NRXN3: variants seen among roughly 807,000 people sequenced by gnomAD.
NRXN3 encodes the protein neurexin III.
Under a neutral mutation model 137.6 loss-of-function variants are expected in NRXN3, and 32 were observed. The ratio of observed to expected loss-of-function variants is 0.23; its 90% CI spans 0.18 to 0.31. The LOEUF is 0.31. Ranked by LOEUF, NRXN3 falls within the 10% of genes least tolerant of loss-of-function variation. NRXN3 has a pLI of 1.00. For missense variants in NRXN3, 1,574 were observed against 2,062.5 expected (o/e 0.76, Z 4.59); for synonymous variants, 798 against 784.5 (o/e 1.02, Z -0.29).
At chr14:78,443,236 G>A (rs1490250861) in intron 4 of NRXN3, among the ~76,000 whole-genome samples, 1 of 152,210 alleles carries the variant, frequency 6.6e-6, no homozygotes, top group Non-Finnish European at 1.5e-5. Flanking sequence ...TGGTAGTAGT[G>A]GAGAGGCTGA....
rs139347721 is a variant in NRXN3, at chr14:79,033,470, G to T, written c.3262+45329G>T. ...GGCTTATGTGTTTATGAGTAGGCAG[G>T]TGTCTTCATGGAACTCTGGTATCTT... On this transcript the variant is annotated intron_variant, in intron 15 of 20. Transcript: ENST00000335750. Among the ~76,000 whole-genome samples the T allele has an allele frequency of 1.0e-3, 152 of 152,182 alleles. 1 individual carries two copies. The highest frequency in any genetic ancestry group is 1.7e-3 in the Non-Finnish European group (116 of 67,996).
At chr14:78,172,561 A>AT (rs1162590575) in intron 1 of NRXN3, among the ~76,000 whole-genome samples, 2 of 151,078 alleles carry the variant, frequency 1.3e-5, no homozygotes, top group Non-Finnish European at 2.9e-5. Context: ...CTATTGTTTG[A>AT]TTTTTTGTTG....
At chr14:79,549,839 C>G (rs1286272182) in intron 16 of NRXN3, among the ~76,000 whole-genome samples, 1 of 152,112 alleles carries the variant, frequency 6.6e-6, no homozygotes, top group Non-Finnish European at 1.5e-5. Context: ...CCGAGGGGCT[C>G]TGCGGTTGAT....
At chr14:79,307,960 T>C (rs532952200) in intron 15 of NRXN3, among the ~76,000 whole-genome samples, 58 of 152,168 alleles carry the variant, frequency 3.8e-4, no homozygotes, top group African/African-American at 1.3e-3. Context: ...TCATGGAGCA[T>C]TGTTTTCTCT....
chr14:78,991,970 A>G (rs1346911127), intron 15 of NRXN3, among the ~76,000 whole-genome samples: 1 of 152,072 alleles, frequency 6.6e-6, no homozygotes, highest in Non-Finnish European at 1.5e-5. Flanking sequence ...TTTCAGTTTC[A>G]CTCTTATAAA....
intron 15 of NRXN3, among the ~76,000 whole-genome samples, chr14:79,256,172 GTCTCTC>G (rs111298626): frequency 2.0e-3 from 290 of 145,396 alleles, no homozygotes; most frequent in African/African-American, 6.6e-3. Context: ...CTCTCTCTCT[GTCTCTC>G]TCTCTCTCTC....
intron 15 of NRXN3, among the ~76,000 whole-genome samples, chr14:79,171,320 G>T (rs2061757202): frequency 6.6e-6 from 1 of 152,090 alleles, no homozygotes; most frequent in African/African-American, 2.4e-5. Flanking sequence ...TCTTAATTTG[G>T]AATAGGGGGA....
intron 4 of NRXN3, among the ~76,000 whole-genome samples, chr14:78,611,161 T>C (rs551082112): frequency 6.6e-6 from 1 of 152,158 alleles, no homozygotes; most frequent in African/African-American, 2.4e-5. Flanking sequence ...TAAATGCAGC[T>C]GCCCCTCATT....
chr14:78,629,203 T>C (rs1051216568), intron 4 of NRXN3, among the ~76,000 whole-genome samples: 2 of 152,178 alleles, frequency 1.3e-5, no homozygotes, highest in East Asian at 3.8e-4. Flanking sequence ...TTTAAGGTTA[T>C]AGAATTGAGG....
intron 15 of NRXN3, among the ~76,000 whole-genome samples, chr14:79,434,037 A>G (rs184056915): frequency 1.1e-3 from 160 of 152,190 alleles, no homozygotes; most frequent in African/African-American, 3.8e-3. Flanking sequence ...ACATTTTACA[A>G]CCTCTCCATT....
chr14:78,590,297 G>A (rs1259715053), intron 4 of NRXN3, among the ~76,000 whole-genome samples: 2 of 152,134 alleles, frequency 1.3e-5, no homozygotes, highest in Admixed American at 6.5e-5. Flanking sequence ...CAAAGAGATC[G>A]TGATCCCATT....
chr14:79,259,509 T>TTA (rs2077244274), intron 15 of NRXN3, among the ~76,000 whole-genome samples: 5 of 149,600 alleles, frequency 3.3e-5, no homozygotes, highest in South Asian at 4.2e-4. Flanking sequence ...AAGGTTTTAG[T>TTA]TATATATATA....
At chr14:78,484,472 T>C (rs1002383478) in intron 4 of NRXN3, among the ~76,000 whole-genome samples, 8 of 152,166 alleles carry the variant, frequency 5.3e-5, no homozygotes, top group Non-Finnish European at 1.2e-4. Flanking sequence ...CTGATCCCTT[T>C]AATGCATGTA....
At chr14:79,550,122 A>T (rs943374732) in intron 16 of NRXN3, among the ~76,000 whole-genome samples, 17 of 152,040 alleles carry the variant, frequency 1.1e-4, no homozygotes, top group South Asian at 8.3e-4. Flanking sequence ...TGCACACCCC[A>T]CCACACCAAG....
At chr14:79,471,688 T>A (rs1445305817) in intron 16 of NRXN3, among the ~76,000 whole-genome samples, 1 of 152,090 alleles carries the variant, frequency 6.6e-6, no homozygotes, top group Non-Finnish European at 1.5e-5. Context: ...CATGGCTAGT[T>A]TGGGGATGTG....
intron 4 of NRXN3, among the ~76,000 whole-genome samples, chr14:78,316,152 T>C (rs1324013006): frequency 6.6e-6 from 1 of 152,140 alleles, no homozygotes; most frequent in Non-Finnish European, 1.5e-5. Flanking sequence ...TATTGAGTTT[T>C]TTTCCCTAAA....
chr14:79,736,971 C>T (rs1196502665), intron 19 of NRXN3, among the ~76,000 whole-genome samples: 4 of 152,090 alleles, frequency 2.6e-5, no homozygotes, highest in Non-Finnish European at 4.4e-5. Flanking sequence ...TATTTTGACT[C>T]AAAAATGAAC....
At chr14:79,844,321 A>G (rs1479204031) in intron 20 of NRXN3, among the ~76,000 whole-genome samples, 1 of 150,358 alleles carries the variant, frequency 6.7e-6, no homozygotes, top group Non-Finnish European at 1.5e-5. Flanking sequence ...TTTTCTCATG[A>G]ATCACAAATG....
intron 4 of NRXN3, among the ~76,000 whole-genome samples, chr14:78,446,099 C>A (rs753925322): frequency 2.0e-5 from 3 of 152,196 alleles, no homozygotes; most frequent in Non-Finnish European, 2.9e-5. Context: ...TGCCCATAAC[C>A]ATTAATCAGC....
Sources: gnomAD v4.1 joint callset for allele counts (sites outside exome capture counted in the v4.1 genomes callset) on GRCh38, gnomAD v4.1.1 for gene constraint, MANE v1.5 for transcripts, NCBI Gene and HGNC (gene_info 2026-07-23, HGNC 2026-07-21) for gene names.